The following CSGALNACT1 variants were observed in gnomAD, a reference collection of about 807,000 sequenced individuals.
The protein encoded by CSGALNACT1 is chondroitin sulfate N-acetylgalactosaminyltransferase 1, also known as beta4GalNAcT-1.
A neutral mutation model predicts 51.0 loss-of-function variants in CSGALNACT1; 52 were observed. The ratio of observed to expected loss-of-function variants is 1.02; its 90% CI spans 0.82 to 1.29. The LOEUF is 1.29. Among genes scored for constraint, CSGALNACT1 ranks in the 50% most tolerant of loss-of-function variants. The pLI is 0.00. For missense variants in CSGALNACT1, 935 were observed against 679.2 expected (o/e 1.38, Z -4.19); for synonymous variants, 341 against 254.4 (o/e 1.34, Z -3.24).
intron 3 of CSGALNACT1, among the ~76,000 whole-genome samples, chr8:19,553,638 T>TATATATATATATATATATATAA (rs1564019770): frequency 1.7e-5 from 2 of 119,762 alleles, no homozygotes; most frequent in African/African-American, 7.3e-5. Context: ...TATATATATA[T>TATATATATATATATATATATAA]AAAAAAATAT....
intron 1 of CSGALNACT1, among the ~76,000 whole-genome samples, chr8:19,662,770 T>C (rs948754598): frequency 6.6e-6 from 1 of 152,234 alleles, no homozygotes; most frequent in Non-Finnish European, 1.5e-5. Flanking sequence ...CCTTTGGCTC[T>C]GTCTTCACCA....
At chr8:19,594,717 T>A (rs529909763) in intron 2 of CSGALNACT1, among the ~76,000 whole-genome samples, 74 of 152,120 alleles carry the variant, frequency 4.9e-4, no homozygotes, top group Non-Finnish European at 8.7e-4. Context: ...CTAATTTTTT[T>A]TTTTTTTTAT....
At chr8:19,692,571 T>C (rs917385995) in intron 1 of CSGALNACT1, among the ~76,000 whole-genome samples, 1 of 152,184 alleles carries the variant, frequency 6.6e-6, no homozygotes, top group African/African-American at 2.4e-5. Flanking sequence ...GACATCCTCA[T>C]TCATGGCTAA....
chr8:19,663,683 C>T (rs1430928079), intron 1 of CSGALNACT1, among the ~76,000 whole-genome samples: 1 of 152,186 alleles, frequency 6.6e-6, no homozygotes, highest in Non-Finnish European at 1.5e-5. Flanking sequence ...AAAGTACATA[C>T]AACATACTTA....
intron 4 of CSGALNACT1, among the ~76,000 whole-genome samples, chr8:19,475,171 C>A (rs546098809): frequency 1.3e-5 from 2 of 152,182 alleles, no homozygotes; most frequent in East Asian, 3.9e-4. Context: ...ATTCTCCAGG[C>A]CACTTGACCA....
chr8:19,710,297 T>C (rs947474445), intron 1 of CSGALNACT1, among the ~76,000 whole-genome samples: 1 of 152,230 alleles, frequency 6.6e-6, no homozygotes, highest in African/African-American at 2.4e-5. Context: ...CAAGAACTAA[T>C]TACCAGCTGA....
rs564120308 is a variant in CSGALNACT1, at chr8:19,471,842, A to G, written c.635-13200T>C. Among the ~76,000 whole-genome samples, 14 of 152,330 alleles carry G rather than the reference A, an allele frequency of 9.2e-5. No homozygotes were observed. The South Asian group carries it at 2.9e-3, about 32-fold the overall frequency. The stretch of plus-strand genomic sequence containing the variant: ...TAAGTCTAACTTGCTCCAGGTGATC[A>G]ACAGCCCCAGAATGAAGCTGTCCTG... On this transcript the variant is annotated intron_variant, in intron 4 of 9. Coordinates refer to ENST00000454498, the Ensembl canonical transcript of CSGALNACT1.
intron 1 of CSGALNACT1, among the ~76,000 whole-genome samples, chr8:19,719,811 C>G (rs1384786413): frequency 6.6e-6 from 1 of 152,150 alleles, no homozygotes; most frequent in Non-Finnish European, 1.5e-5. Flanking sequence ...GGCAGCCATA[C>G]ATTCTTCCTC....
chr8:19,738,575 A>G (rs7820737), intron 1 of CSGALNACT1, among the ~76,000 whole-genome samples: 113,815 of 152,070 alleles, frequency 0.75, 42,851 homozygotes, highest in Middle Eastern at 0.87. Flanking sequence ...ACATAACAAC[A>G]TGAATGCACT....
intron 3 of CSGALNACT1, among the ~76,000 whole-genome samples, chr8:19,546,785 G>T (rs2086580141): frequency 6.6e-6 from 1 of 152,126 alleles, no homozygotes; most frequent in Admixed American, 6.6e-5. Flanking sequence ...GCAAACACAG[G>T]TGACTAGGAA....
chr8:19,701,153 G>GTTTTTTTTTTTTTTTTTT (rs767074945), intron 1 of CSGALNACT1, among the ~76,000 whole-genome samples: 4 of 93,280 alleles, frequency 4.3e-5, no homozygotes, highest in African/African-American at 4.1e-5. Flanking sequence ...TCTATTATCC[G>GTTTTTTTTTTTTTTTTTT]TTTTTTTTTT....
In CSGALNACT1 at chr8:19,540,282, C is replaced by T. The variant is rs193221606; in HGVS notation, c.-296-34152G>A. On this transcript the variant is annotated intron_variant, in intron 3 of 9. Coordinates refer to ENST00000454498, the Ensembl canonical transcript of CSGALNACT1. ...TCTGTCTGCTGAATTATCATGCAGA[C>T]GTTAAAAAGGCTATTAAAGGGACTG... Among the ~76,000 whole-genome samples, 7 of 152,138 alleles carry T rather than the reference C, an allele frequency of 4.6e-5. No individual in the cohort carries two copies. The East Asian group carries it at 5.8e-4, about 13-fold the overall frequency.
intron 1 of CSGALNACT1, among the ~76,000 whole-genome samples, chr8:19,729,038 T>C (rs887287830): frequency 6.6e-6 from 1 of 152,012 alleles, no homozygotes; most frequent in African/African-American, 2.4e-5. Flanking sequence ...TTATCACAAA[T>C]TTCCTATTAT....
intron 1 of CSGALNACT1, among the ~76,000 whole-genome samples, chr8:19,707,316 A>G (rs2062228030): frequency 2.0e-5 from 3 of 152,242 alleles, no homozygotes; most frequent in African/African-American, 7.2e-5. Context: ...CTCAATTAAT[A>G]GCTCTGTGAA....
rs536764471 is a variant in CSGALNACT1 at position 19,503,448 on chromosome 8, T to C, written c.634+1753A>G. On this transcript the variant is annotated intron_variant, in intron 4 of 9. Coordinates refer to ENST00000454498, the Ensembl canonical transcript of CSGALNACT1. ...GATAGATTTCAAATATGAATGCAGA[T>C]TGAACATCACAAGGTCACACATTCC... 2.4e-4 allele frequency among the ~76,000 whole-genome samples: 36 copies of C among 152,314 alleles called. No homozygotes were observed. In the South Asian group the frequency reaches 6.8e-3, roughly 29 times the overall value.
At chr8:19,590,494 C>G (rs1455304971) in intron 3 of CSGALNACT1, among the ~76,000 whole-genome samples, 1 of 152,124 alleles carries the variant, frequency 6.6e-6, no homozygotes, top group African/African-American at 2.4e-5. Flanking sequence ...AGACATCGCG[C>G]AGTGCTCAAG....
At chr8:19,711,178 C>G (rs965730165) in intron 1 of CSGALNACT1, among the ~76,000 whole-genome samples, 1 of 151,968 alleles carries the variant, frequency 6.6e-6, no homozygotes, top group African/African-American at 2.4e-5. Context: ...CTAAGTCAGG[C>G]CCAATAGAAA....
In CSGALNACT1 at chr8:19,511,663, G is replaced by T. The variant is rs56892524; in HGVS notation, c.-296-5533C>A. On this transcript the variant is annotated intron_variant, in intron 3 of 9. Coordinates refer to ENST00000454498, the Ensembl canonical transcript of CSGALNACT1. ...TGCCTCCTGGTATTCATACCACTGT[G>T]TGTCTGCTCCCACACTGTACTGGGG... 3.1e-3 allele frequency among the ~76,000 whole-genome samples: 466 copies of T among 152,286 alleles called. 7 individuals are homozygous for T. In the East Asian group the frequency reaches 0.058, roughly 19 times the overall value.
At position 19,432,455 on chromosome 8, in the gene CSGALNACT1, T is replaced by C. The variant is rs114254428; in HGVS notation, c.953+7375A>G. ...TTTGGAGTTAAGATTATTAGATATG[T>C]AGATTAATGTTTTCCATCAAATTTG... On this transcript the variant is annotated intron_variant, in intron 6 of 9. Coordinates refer to ENST00000454498, the Ensembl canonical transcript of CSGALNACT1. Among the ~76,000 whole-genome samples the C allele has an allele frequency of 9.6e-3, 1,465 of 152,298 alleles. 22 individuals are homozygous for C. The highest frequency in any genetic ancestry group is 0.033 in the African/African-American group (1,385 of 41,570).
Sources: allele counts gnomAD v4.1 joint callset (sites outside exome capture counted in the v4.1 genomes callset), GRCh38; gene constraint gnomAD v4.1.1; transcripts MANE v1.5; gene names NCBI Gene and HGNC (gene_info 2026-07-23, HGNC 2026-07-21).